The following MIR17HG variants were observed in gnomAD, a reference collection of about 807,000 sequenced individuals.
MIR17HG encodes miR-17-92a-1 cluster host gene, also known as MIR17 host gene (non-protein coding).
intron 3 of MIR17HG, chr13:91,350,789 T>G (rs771794930): frequency 9.4e-6 from 5 of 534,682 alleles, no homozygotes; most frequent in African/African-American, 7.7e-5. Flanking sequence ...TGAAGTAGAT[T>G]AGCATCTACT....
intron 1 of MIR17HG, among the ~76,000 whole-genome samples, chr13:91,349,500 T>C (rs189521673): frequency 1.3e-5 from 2 of 152,186 alleles, no homozygotes; most frequent in African/African-American, 4.8e-5. Context: ...TTTTCAACTT[T>C]ATTCTCTTAC....
chr13:91,347,974 C>T (rs1158666519), intron 1 of MIR17HG: 1 of 151,500 alleles, frequency 6.6e-6, no homozygotes, highest in Non-Finnish European at 1.5e-5. Flanking sequence ...GTCTGCCCGC[C>T]CCTCCGGCGA....
intron 3 of MIR17HG, chr13:91,352,505 T>C (rs1168755621): frequency 6.6e-6 from 1 of 152,224 alleles, no homozygotes; most frequent in Non-Finnish European, 1.5e-5. Context: ...AACACTAGGT[T>C]AGACCACCCA....
chr13:91,350,116 G>A (rs7984376), intron 2 of MIR17HG: 1 of 163,030 alleles, frequency 6.1e-6, no homozygotes, highest in Non-Finnish European at 1.4e-5. Flanking sequence ...AACACTTGAA[G>A]TGTAGTCTGA....
chr13:91,348,735 G>A (rs922746231), intron 1 of MIR17HG, among the ~76,000 whole-genome samples: 8 of 150,640 alleles, frequency 5.3e-5, no homozygotes, highest in Non-Finnish European at 7.4e-5. Flanking sequence ...GTGTGGCGCG[G>A]GAGGGCCAGC....
intron 1 of MIR17HG, chr13:91,348,056 G>T: frequency 6.7e-6 from 1 of 149,584 alleles, no homozygotes; most frequent in South Asian, 1.9e-4. Context: ...GACTGGCCCG[G>T]GGCAGCGTGG....
intron 1 of MIR17HG, among the ~76,000 whole-genome samples, chr13:91,349,425 A>T (rs1051891329): frequency 2.0e-5 from 3 of 151,396 alleles, no homozygotes; most frequent in African/African-American, 4.9e-5. Flanking sequence ...GGAGTCGGTG[A>T]TTGCTGCTGA....
At chr13:91,351,352 T>A (rs777162203) in intron 3 of MIR17HG, 2 of 531,088 alleles carry the variant, frequency 3.8e-6, no homozygotes, top group Non-Finnish European at 7.8e-6. Context: ...ATGCTGTGTT[T>A]CTGTATGGTA....
intron 1 of MIR17HG, among the ~76,000 whole-genome samples, chr13:91,348,375 C>G (rs1875077476): frequency 6.6e-6 from 1 of 150,606 alleles, no homozygotes; most frequent in East Asian, 2.0e-4. Context: ...AGGAAAGTTT[C>G]TCCCGAGGGC....
chr13:91,352,164 C>T (rs945124709), intron 3 of MIR17HG: 2 of 152,124 alleles, frequency 1.3e-5, no homozygotes, highest in African/African-American at 2.4e-5. Flanking sequence ...TTCCCTACTC[C>T]CTACGTAAGC....
At chr13:91,347,919 C>G (rs1420027768) in exon 1 of MIR17HG, 1 of 151,502 alleles carries the variant, frequency 6.6e-6, no homozygotes, top group Non-Finnish European at 1.5e-5. Context: ...AGCAGGAGCC[C>G]GCGGCCGGCC....
At chr13:91,348,572 C>T (rs1281791483) in intron 1 of MIR17HG, among the ~76,000 whole-genome samples, 1 of 151,168 alleles carries the variant, frequency 6.6e-6, no homozygotes, top group Non-Finnish European at 1.5e-5. Flanking sequence ...ATCGGCGCGG[C>T]CTGGGCGCCA....
intron 3 of MIR17HG, chr13:91,350,542 A>G (rs866526309): frequency 5.6e-6 from 3 of 532,110 alleles, no homozygotes; most frequent in South Asian, 2.8e-5. Context: ...AATTCTAATT[A>G]TCTATTTCAA....
chr13:91,352,266 C>T (rs1875354163), intron 3 of MIR17HG: 2 of 152,130 alleles, frequency 1.3e-5, no homozygotes, highest in African/African-American at 4.8e-5. Flanking sequence ...GTGTTTTACC[C>T]AGCATTTCTG....
Position 91,349,775 on chromosome 13 carries a change from G to A in MIR17HG, n.213+5G>A, listed in dbSNP as rs1594012960. 2.0e-5 allele frequency: 3 copies of A among 152,310 alleles called. No individual in the cohort carries two copies. The East Asian group carries it at 5.8e-4, about 29-fold the overall frequency. 9.4% of individuals were successfully genotyped at this position (152,310 alleles called of 1,614,324 possible). A position where few individuals can be genotyped will look rare whatever the true frequency, so the allele number is the denominator to read the frequency against. ...AAAGGAAGTTTTCTGGAATGGGTAAGTGTATTCTGATTTTCTTGAACTTTT... is the reference window on the plus strand; with the variant it reads ...AAAGGAAGTTTTCTGGAATGGGTAAATGTATTCTGATTTTCTTGAACTTTT... On this transcript the variant is annotated splice_donor_5th_base_variant and intron_variant and non_coding_transcript_variant, in intron 2 of 3. Coordinates refer to ENST00000400282, the Ensembl canonical transcript of MIR17HG.
chr13:91,348,386 G>T (rs1484980411), intron 1 of MIR17HG, among the ~76,000 whole-genome samples: 2 of 150,518 alleles, frequency 1.3e-5, no homozygotes, highest in Non-Finnish European at 3.0e-5. Flanking sequence ...TCCCGAGGGC[G>T]AGAGTTAAAG....
At chr13:91,348,223 C>T (rs1475495191) in intron 1 of MIR17HG, among the ~76,000 whole-genome samples, 3 of 149,502 alleles carry the variant, frequency 2.0e-5, no homozygotes, top group African/African-American at 7.3e-5. Flanking sequence ...CGGCCGCGCC[C>T]GGGACCCGCG....
At chr13:91,353,773 G>A (rs1293163921) in intron 3 of MIR17HG, among the ~76,000 whole-genome samples, 1 of 148,850 alleles carries the variant, frequency 6.7e-6, no homozygotes, top group Non-Finnish European at 1.5e-5. Context: ...GGGAAAAAAT[G>A]GGTCAACTTT....
intron 1 of MIR17HG, among the ~76,000 whole-genome samples, chr13:91,348,356 T>C (rs1378874554): frequency 4.0e-5 from 6 of 148,650 alleles, no homozygotes; most frequent in African/African-American, 1.5e-4. Context: ...GGGCGTGGGG[T>C]CTCTGGGTAG....
Sources: gnomAD v4.1 joint callset for allele counts (sites outside exome capture counted in the v4.1 genomes callset) on GRCh38, gnomAD v4.1.1 for gene constraint, MANE v1.5 for transcripts, NCBI Gene and HGNC (gene_info 2026-07-23, HGNC 2026-07-21) for gene names.